The following DEPTOR variants were observed in gnomAD, a reference collection of about 807,000 sequenced individuals.
DEPTOR encodes DEP domain containing MTOR interacting protein.
DEPTOR carries 41 observed loss-of-function variants against 41.6 expected under a neutral mutation model. The ratio of observed to expected loss-of-function variants is 0.98; its 90% CI spans 0.77 to 1.28. DEPTOR has a LOEUF of 1.28. Among genes scored for constraint, DEPTOR ranks in the 50% most tolerant of loss-of-function variants. The pLI, the probability that DEPTOR is intolerant of heterozygous loss-of-function variation, is 0.00. For missense variants in DEPTOR, 514 were observed against 527.9 expected, an observed-to-expected ratio of 0.97 and a Z score of 0.26; for synonymous variants, 195 against 192.3, an observed-to-expected ratio of 1.01 and a Z score of -0.12.
intron 4 of DEPTOR, among the ~76,000 whole-genome samples, chr8:119,966,204 C>G (rs976781563): frequency 1.3e-5 from 2 of 152,308 alleles, no homozygotes; most frequent in Admixed American, 6.5e-5. Flanking sequence ...GTGGCTCACA[C>G]TTGTCATCCC....
chr8:119,945,817 G>A (rs376810483), intron 3 of DEPTOR, among the ~76,000 whole-genome samples: 11 of 152,104 alleles, frequency 7.2e-5, no homozygotes, highest in South Asian at 2.1e-4. Context: ...ACGGGTCAGC[G>A]TTAGGCTGTG....
At chr8:119,906,448 C>T (rs1338392945) in intron 1 of DEPTOR, among the ~76,000 whole-genome samples, 1 of 151,760 alleles carries the variant, frequency 6.6e-6, no homozygotes, top group African/African-American at 2.4e-5. Context: ...AGAATGAGAC[C>T]CTGACTCAAA....
chr8:119,934,709 ACC>A (rs1282488600), intron 3 of DEPTOR, among the ~76,000 whole-genome samples: 1 of 152,184 alleles, frequency 6.6e-6, no homozygotes. Context: ...AATACGTGAC[ACC>A]TATTCTTGTT....
chr8:119,959,559 C>T (rs1014372716), intron 3 of DEPTOR, among the ~76,000 whole-genome samples: 2 of 150,918 alleles, frequency 1.3e-5, no homozygotes, highest in African/African-American at 4.9e-5. Flanking sequence ...CGGAGTCTTG[C>T]TCTGTCACCC....
At chr8:119,970,657 C>T (rs1277341402) in intron 4 of DEPTOR, among the ~76,000 whole-genome samples, 1 of 152,048 alleles carries the variant, frequency 6.6e-6, no homozygotes, top group Non-Finnish European at 1.5e-5. Context: ...TTTCAGAGAC[C>T]TATGAACATC....
At chr8:120,046,504 G>T (rs1325632281) in intron 8 of DEPTOR, among the ~76,000 whole-genome samples, 1 of 151,804 alleles carries the variant, frequency 6.6e-6, no homozygotes, top group African/African-American at 2.4e-5. Context: ...TGTTTTCAGG[G>T]CTCACCCATG....
intron 8 of DEPTOR, among the ~76,000 whole-genome samples, chr8:120,049,310 A>C (rs1182887488): frequency 6.6e-6 from 1 of 152,072 alleles, no homozygotes; most frequent in Non-Finnish European, 1.5e-5. Context: ...GCTAGTATTT[A>C]AATACTAGCT....
chr8:119,949,741 G>A (rs1019411344), intron 3 of DEPTOR, among the ~76,000 whole-genome samples: 9 of 152,056 alleles, frequency 5.9e-5, no homozygotes, highest in Non-Finnish European at 1.3e-4. Context: ...GTGCAGTGGC[G>A]TGATCTTGGC....
At chr8:119,993,589 C>T (rs1812208138) in intron 4 of DEPTOR, among the ~76,000 whole-genome samples, 1 of 151,968 alleles carries the variant, frequency 6.6e-6, no homozygotes, top group Non-Finnish European at 1.5e-5. Context: ...ATAAATAGTT[C>T]CAAGGAGCAA....
Position 120,028,037 on chromosome 8 carries a change from C to T in DEPTOR, c.1101+18904C>T, listed in dbSNP as rs16893423. Among the ~76,000 whole-genome samples the T allele has an allele frequency of 9.2e-3, 1,405 of 152,286 alleles. 20 individuals carry two copies. Among genetic ancestry groups the T allele is most frequent in the African/African-American group, 0.031 (1,292 of 41,570 alleles). On this transcript the variant is annotated intron_variant, in intron 8 of 8. Transcript: ENST00000286234. The stretch of plus-strand genomic sequence containing the variant: ...AAGATGGATATGATGCTGCGTAATC[C>T]GGTCATGTTGTTGGATAAAGGGCTG...
At chr8:120,042,581 C>G (rs1813093667) in intron 8 of DEPTOR, among the ~76,000 whole-genome samples, 1 of 152,118 alleles carries the variant, frequency 6.6e-6, no homozygotes, top group Non-Finnish European at 1.5e-5. Context: ...TGCAATGGCA[C>G]TATCTCGGCT....
intron 1 of DEPTOR, among the ~76,000 whole-genome samples, chr8:119,885,113 C>A (rs1160765655): frequency 6.6e-6 from 1 of 152,074 alleles, no homozygotes; most frequent in Non-Finnish European, 1.5e-5. Context: ...TTTCTCCTTT[C>A]CCAAGAGGAA....
chr8:120,016,952 G>GT (rs1171386704), intron 8 of DEPTOR, among the ~76,000 whole-genome samples: 1 of 152,074 alleles, frequency 6.6e-6, no homozygotes, highest in African/African-American at 2.4e-5. Context: ...CGTTCAGTCT[G>GT]TAACACCTGT....
chr8:120,012,783 C>A (rs1166843626), intron 8 of DEPTOR, among the ~76,000 whole-genome samples: 1 of 152,100 alleles, frequency 6.6e-6, no homozygotes, highest in Non-Finnish European at 1.5e-5. Flanking sequence ...GATCCGCCTG[C>A]CTCGGCCTCC....
intron 4 of DEPTOR, among the ~76,000 whole-genome samples, chr8:119,990,412 C>A (rs1232370773): frequency 6.6e-6 from 1 of 151,774 alleles, no homozygotes; most frequent in East Asian, 1.9e-4. Flanking sequence ...CCGCCTCAGC[C>A]TCCCAAAGTG....
chr8:119,977,966 T>C (rs1361230207), intron 4 of DEPTOR, among the ~76,000 whole-genome samples: 1 of 152,170 alleles, frequency 6.6e-6, no homozygotes, highest in African/African-American at 2.4e-5. Flanking sequence ...TTTGAGGTTT[T>C]TCTTTTGTAA....
At chr8:119,906,156 A>G (rs1052377739) in intron 1 of DEPTOR, among the ~76,000 whole-genome samples, 1 of 152,076 alleles carries the variant, frequency 6.6e-6, no homozygotes. Flanking sequence ...AAATATACAC[A>G]CACACACAAA....
chr8:120,010,477 G>A (rs751632501), intron 8 of DEPTOR, among the ~76,000 whole-genome samples: 6 of 151,934 alleles, frequency 3.9e-5, no homozygotes, highest in South Asian at 2.1e-4. Flanking sequence ...TTAGCCAGGC[G>A]TAGTGGCTCA....
intron 8 of DEPTOR, among the ~76,000 whole-genome samples, chr8:120,033,567 A>C (rs1812928133): frequency 6.6e-6 from 1 of 152,150 alleles, no homozygotes; most frequent in African/African-American, 2.4e-5. Flanking sequence ...TCTGATCCTC[A>C]GCTTTCCATC....
Sources: gnomAD v4.1 joint callset for allele counts (sites outside exome capture counted in the v4.1 genomes callset) on GRCh38, gnomAD v4.1.1 for gene constraint, MANE v1.5 for transcripts, NCBI Gene and HGNC (gene_info 2026-07-23, HGNC 2026-07-21) for gene names.